The following PPARG variants were observed in gnomAD, a reference collection of about 807,000 sequenced individuals.
The protein encoded by PPARG is peroxisome proliferator activated receptor gamma, also known as peroxisome proliferator-activated receptor gamma.
PPARG carries 17 observed loss-of-function variants against 39.2 expected under a neutral mutation model. The ratio of observed to expected loss-of-function variants is 0.43; its 90% CI spans 0.30 to 0.65. The LOEUF (loss-of-function observed/expected upper bound fraction) is 0.65. Ranked by LOEUF, PPARG falls within the 30% of genes least tolerant of loss-of-function variation. PPARG has a pLI of 0.13. For synonymous variants in PPARG, 223 were observed against 215.7 expected, an observed-to-expected ratio of 1.03 and a Z score of -0.30; for missense variants, 406 against 585.9, an observed-to-expected ratio of 0.69 and a Z score of 3.17.
chr3:12,290,415 G>A (rs1184296570), intron 1 of PPARG, among the ~76,000 whole-genome samples: 1 of 151,816 alleles, frequency 6.6e-6, no homozygotes, highest in African/African-American at 2.4e-5. Context: ...GAACTTAAGT[G>A]CTTTGAAAAT....
At chr3:12,361,474 G>A (rs1021026534) in intron 2 of PPARG, among the ~76,000 whole-genome samples, 5 of 152,068 alleles carry the variant, frequency 3.3e-5, no homozygotes, top group African/African-American at 9.7e-5. Flanking sequence ...AAAGTTTTCT[G>A]GTTTTATATT....
intron 2 of PPARG, among the ~76,000 whole-genome samples, chr3:12,318,718 TC>T (rs2047455371): frequency 6.6e-6 from 1 of 152,190 alleles, no homozygotes; most frequent in Non-Finnish European, 1.5e-5. Context: ...GTTATAGTAT[TC>T]TTGGTTCTTT....
chr3:12,421,937 G>A (rs2051277924), intron 7 of PPARG, among the ~76,000 whole-genome samples: 1 of 142,164 alleles, frequency 7.0e-6, no homozygotes, highest in African/African-American at 2.7e-5. Flanking sequence ...AGTGGGCAAG[G>A]AGAATAGGGT....
chr3:12,378,020 C>T (rs1031744179), intron 2 of PPARG, among the ~76,000 whole-genome samples: 2 of 152,154 alleles, frequency 1.3e-5, no homozygotes, highest in African/African-American at 4.8e-5. Context: ...TGAAAAGGTA[C>T]TCACCATCAC....
rs1176038396 is a variant in PPARG, at chr3:12,433,304, A to G, written c.1181-594A>G. On this transcript the variant is annotated intron_variant, in intron 7 of 7. Coordinates refer to ENST00000651735, the MANE Select transcript of PPARG (RefSeq NM_138711.6). ...TGTAATCCCAGCACTTTGGGAGGCC[A>G]AGGCGGGTGGATCACTTGAGGTCAG... Among the ~76,000 whole-genome samples the G allele has an allele frequency of 7.9e-5, 12 of 152,228 alleles. No individual in the cohort carries two copies. The East Asian group carries it at 1.9e-3, about 24-fold the overall frequency.
intron 2 of PPARG, among the ~76,000 whole-genome samples, chr3:12,321,193 C>T (rs1233037108): frequency 2.6e-5 from 4 of 152,164 alleles, no homozygotes; most frequent in African/African-American, 9.7e-5. Flanking sequence ...GGACTCACTT[C>T]CTTTAAGTTC....
intron 2 of PPARG, among the ~76,000 whole-genome samples, chr3:12,319,547 A>C (rs2047480772): frequency 6.6e-6 from 1 of 152,240 alleles, no homozygotes; most frequent in African/African-American, 2.4e-5. Context: ...GGCATGACTA[A>C]TAAACCACAA....
At chr3:12,354,150 A>G (rs2048579734) in intron 2 of PPARG, among the ~76,000 whole-genome samples, 1 of 152,226 alleles carries the variant, frequency 6.6e-6, no homozygotes, top group Non-Finnish European at 1.5e-5. Flanking sequence ...GCAACTGTAT[A>G]TTCAGAAACA....
At chr3:12,310,824 A>AC (rs2047219648) in intron 1 of PPARG, among the ~76,000 whole-genome samples, 2 of 131,178 alleles carry the variant, frequency 1.5e-5, no homozygotes, top group African/African-American at 2.9e-5. Context: ...AAAAAAAAAA[A>AC]CCCAAGTGGT....
At chr3:12,293,689 A>G (rs1474578825) in intron 1 of PPARG, among the ~76,000 whole-genome samples, 1 of 152,236 alleles carries the variant, frequency 6.6e-6, no homozygotes. Context: ...TTTGCCACTT[A>G]GCACTGTTAT....
intron 5 of PPARG, among the ~76,000 whole-genome samples, chr3:12,395,658 T>C (rs1383617597): frequency 6.6e-6 from 1 of 152,242 alleles, no homozygotes; most frequent in Non-Finnish European, 1.5e-5. Context: ...CTGATTGATA[T>C]GCTTCAGAAA....
chr3:12,316,291 G>A (rs935579937), intron 2 of PPARG, among the ~76,000 whole-genome samples: 15 of 152,032 alleles, frequency 9.9e-5, no homozygotes, highest in Admixed American at 2.0e-4. Context: ...TTTTTTTGCC[G>A]GTAACTCTTG....
intron 5 of PPARG, among the ~76,000 whole-genome samples, chr3:12,401,056 A>T (rs2050452180): frequency 6.6e-6 from 1 of 152,222 alleles, no homozygotes; most frequent in South Asian, 2.1e-4. Flanking sequence ...GTGGTAGAAG[A>T]TTTGGAAAAA....
At chr3:12,289,888 C>T (rs2046606191) in intron 1 of PPARG, among the ~76,000 whole-genome samples, 1 of 152,098 alleles carries the variant, frequency 6.6e-6, no homozygotes, top group Non-Finnish European at 1.5e-5. Context: ...TATTTTCAAT[C>T]AGATTCACTT....
intron 6 of PPARG, 90 bp downstream of exon 6, chr3:12,406,171 A>G: frequency 1.6e-6 from 2 of 1,220,328 alleles, no homozygotes; most frequent in Non-Finnish European, 2.4e-6. Flanking sequence ...TGCGCTACAA[A>G]TGCACACACA....
At chr3:12,355,593 A>G (rs540792891) in intron 2 of PPARG, among the ~76,000 whole-genome samples, 28 of 152,264 alleles carry the variant, frequency 1.8e-4, no homozygotes, top group African/African-American at 6.5e-4. Flanking sequence ...AGTACTTGGC[A>G]GATTTTGTAG....
intron 7 of PPARG, among the ~76,000 whole-genome samples, chr3:12,428,204 G>C (rs1160937126): frequency 6.6e-6 from 1 of 152,200 alleles, no homozygotes; most frequent in African/African-American, 2.4e-5. Context: ...CCACTTAACA[G>C]TACCAGATCT....
chr3:12,329,432 G>A (rs374133617), intron 2 of PPARG, among the ~76,000 whole-genome samples: 2 of 152,072 alleles, frequency 1.3e-5, no homozygotes, highest in Admixed American at 1.3e-4. Context: ...TTTTGGGACC[G>A]CTATAATTCT....
At chr3:12,372,902 A>G (rs1349865369) in intron 2 of PPARG, among the ~76,000 whole-genome samples, 1 of 152,164 alleles carries the variant, frequency 6.6e-6, no homozygotes, top group Non-Finnish European at 1.5e-5. Context: ...CTTTGCTCAC[A>G]AGTTCTGCCT....
Sources: allele counts gnomAD v4.1 joint callset (sites outside exome capture counted in the v4.1 genomes callset), GRCh38; gene constraint gnomAD v4.1.1; transcripts MANE v1.5; gene names NCBI Gene and HGNC (gene_info 2026-07-23, HGNC 2026-07-21).